Variants in AKAP3 observed in about 807,000 individuals in gnomAD.
AKAP3 encodes the protein A-kinase anchor protein 3.
In AKAP3, 27 loss-of-function variants were observed where a neutral mutation model predicts 57.2. The ratio of observed to expected loss-of-function variants is 0.47; its 90% confidence interval spans 0.35 to 0.65. The LOEUF (loss-of-function observed/expected upper bound fraction) is 0.65. AKAP3 is among the 30% of genes least tolerant of loss of function. The pLI is 0.01. For synonymous variants in AKAP3, 334 were observed against 392.3 expected (o/e 0.85, Z 1.76); for missense variants, 959 against 1,040.0 (o/e 0.92, Z 1.07).
chr12:4,647,837 C>T lies in AKAP3; in HGVS notation c.-245+908G>A, dbSNP rs1221381377. 2.7e-5 allele frequency: 4 copies of T among 148,026 alleles called. No individual in the cohort carries two copies. The Admixed American group carries it at 2.8e-4, about 10-fold the overall frequency. The allele number at this position is 148,026 out of a possible 1,614,324, so 9.2% of individuals were successfully genotyped here. ...CTCTCTTCCAATTCAATTTGTTAGG[C>T]GACACTTCAGTAAACAGTAGGGGCA... On this transcript the variant is annotated intron_variant, in intron 1 of 5. Transcript: ENST00000228850.
intron 2 of AKAP3, among the ~76,000 whole-genome samples, chr12:4,642,616 A>G (rs1945650528): frequency 6.6e-6 from 1 of 152,112 alleles, no homozygotes. Context: ...GGGCTACCCC[A>G]TCCATGAAAT....
At position 4,628,183 on chromosome 12, in the gene AKAP3, A is replaced by C; in HGVS notation, c.719T>G (p.Phe240Cys). Residue 240 changes from phenylalanine (F) to cysteine (C), a missense_variant, in exon 5 of 6, where the codon TTC (phenylalanine) becomes TGC (cysteine). Physicochemically the swap from Phe to Cys is radical, Grantham distance 205. Transcript: ENST00000228850. ...PDDKPPSKKSFFYKEVFESRN... is the reference protein window; with the variant it reads ...PDDKPPSKKSCFYKEVFESRN... Reference sequence around the variant, plus strand: ...AGATTCAAACACTTCCTTATAGAAGAAAGACTTCTTAGAAGGAGGCTTGTC... The same window carrying C: ...AGATTCAAACACTTCCTTATAGAAGCAAGACTTCTTAGAAGGAGGCTTGTC... 1 of 1,614,148 alleles carries C rather than the reference A, an allele frequency of 6.2e-7. No individual in the cohort carries two copies. The highest frequency in any genetic ancestry group is 8.5e-7 in the Non-Finnish European group (1 of 1,180,018).
intron 4 of AKAP3, chr12:4,636,264 C>T (rs1260321251): frequency 1.3e-5 from 5 of 393,196 alleles, no homozygotes; most frequent in Admixed American, 3.7e-5. Context: ...ACCTCAGACG[C>T]GGCAAGCGGA....
At chr12:4,619,020 TC>T (rs1945316710) in intron 5 of AKAP3, among the ~76,000 whole-genome samples, 2 of 152,248 alleles carry the variant, frequency 1.3e-5, no homozygotes, top group Middle Eastern at 6.8e-3. Context: ...TGCATAGGTA[TC>T]TCACTAAAGA....
rs1372227981 is a variant in AKAP3, at chr12:4,627,724, T to A, written c.1178A>T (p.His393Leu). ...NVMFAKKVPE[H>L]VRKAQDKAES... ...AGCCTTGTCTTGGGCTTTCCTGACA[T>A]GCTCAGGGACTTTCTTGGCAAACAT... The change falls in exon 5 of 6, where the codon CAT (histidine) becomes CTT (leucine). Residue 393 changes from histidine to leucine, a missense_variant. Coordinates refer to ENST00000228850, the MANE Select transcript of AKAP3 (RefSeq NM_001278309.2). 2 of 1,614,058 alleles carry A rather than the reference T, an allele frequency of 1.2e-6. No homozygotes were observed. The highest frequency in any genetic ancestry group is 1.3e-5 in the African/African-American group (1 of 74,936).
In AKAP3 at chr12:4,631,525, C is replaced by T. The variant is rs1475585710; in HGVS notation, c.97-2720G>A. On this transcript the variant is annotated intron_variant, in intron 4 of 5. Coordinates refer to ENST00000228850, the MANE Select transcript of AKAP3 (RefSeq NM_001278309.2). ...GTTAGATGTAAGCAGCAATGTCTTC[C>T]CCCAGAGAGTATTAATGTGTTATAC... 1.4e-5 allele frequency: 8 copies of T among 575,896 alleles called. No individual in the cohort carries two copies. In the Admixed American group the frequency reaches 2.0e-4, roughly 14 times the overall value. The allele number at this position is 575,896 out of a possible 1,614,324, so 35.7% of individuals were successfully genotyped here. A position where few individuals can be genotyped will look rare whatever the true frequency, so the allele number is the denominator to read the frequency against.
chr12:4,631,150 C>T (rs1945492923), intron 4 of AKAP3, among the ~76,000 whole-genome samples: 1 of 152,080 alleles, frequency 6.6e-6, no homozygotes, highest in Non-Finnish European at 1.5e-5. Flanking sequence ...GTTTTTGGTT[C>T]TCACTTCGGT....
At chr12:4,617,735 G>C (rs930694198) in intron 5 of AKAP3, among the ~76,000 whole-genome samples, 66 of 143,936 alleles carry the variant, frequency 4.6e-4, no homozygotes, top group African/African-American at 1.3e-3. Flanking sequence ...CTGAGCAACA[G>C]AGTGAGATTC....
At chr12:4,615,964 G>C in intron 5 of AKAP3, 70 bp from the exon 6 acceptor site, 2 of 1,592,698 alleles carry the variant, frequency 1.3e-6, no homozygotes, top group East Asian at 4.5e-5. Context: ...AGCCTGCCAA[G>C]GCTGGAGCAG....
Position 4,638,549 on chromosome 12 carries a change from G to A in AKAP3, c.1-353C>T, listed in dbSNP as rs146664529. On this transcript the variant is annotated intron_variant, in intron 3 of 5. Coordinates refer to ENST00000228850, the MANE Select transcript of AKAP3 (RefSeq NM_001278309.2). ...CCCTGCACTCACAGGATTTTCAGTA[G>A]ACACTCAAAACTCAAGGTGACCAAA... Among the ~76,000 whole-genome samples, 532 of 152,244 alleles carry A rather than the reference G, an allele frequency of 3.5e-3. 1 individual carries two copies. Among genetic ancestry groups the A allele is most frequent in the Middle Eastern group, 0.02 (6 of 294 alleles).
chr12:4,648,151 G>A (rs181107384), intron 1 of AKAP3: 19 of 152,310 alleles, frequency 1.2e-4, no homozygotes, highest in African/African-American at 3.6e-4. Flanking sequence ...GTCTAACCTG[G>A]AATTTCCTCA....
chr12:4,634,738 A>T (rs1186369935), intron 4 of AKAP3, among the ~76,000 whole-genome samples: 2 of 5,878 alleles, frequency 3.4e-4, no homozygotes, highest in Non-Finnish European at 4.9e-3. Flanking sequence ...TTACCCCATT[A>T]AAAAAAAACA....
chr12:4,640,901 C>G (rs1945628650), intron 3 of AKAP3, among the ~76,000 whole-genome samples: 2 of 152,050 alleles, frequency 1.3e-5, no homozygotes, highest in African/African-American at 4.8e-5. Flanking sequence ...TCTTAACATT[C>G]TTAAATGCTC....
chr12:4,628,083 C>T lies in AKAP3; in HGVS notation c.819G>A (p.Arg273=), dbSNP rs2137433955. 8 of 1,614,110 alleles carry T rather than the reference C, an allele frequency of 5.0e-6. No homozygotes were observed. Among genetic ancestry groups the T allele is most frequent in the Non-Finnish European group, 6.8e-6 (8 of 1,180,010 alleles). The change falls in exon 5 of 6, where the codon AGG becomes AGA. Residue 273 remains arginine (R), a synonymous_variant. Transcript: ENST00000228850. ...RERKRFRGQE[R]PDDFTASVSE... ...TAACAGAAGCCGTAAAGTCATCAGG[C>T]CTTTCCTGCCCTCGAAACCTCTTTC...
intron 4 of AKAP3, among the ~76,000 whole-genome samples, chr12:4,633,128 A>C (rs1051923692): frequency 1.5e-4 from 22 of 151,626 alleles, no homozygotes; most frequent in East Asian, 3.9e-4. Context: ...AAAAAAAAAA[A>C]AACAAAAAAC....
chr12:4,646,991 C>A (rs1159849304), intron 1 of AKAP3, among the ~76,000 whole-genome samples: 1 of 151,984 alleles, frequency 6.6e-6, no homozygotes, highest in African/African-American at 2.4e-5. Flanking sequence ...CTATGTTGGC[C>A]AAGCTGGTCT....
chr12:4,621,650 G>A (rs1237815021), intron 5 of AKAP3, among the ~76,000 whole-genome samples: 1 of 152,140 alleles, frequency 6.6e-6, no homozygotes, highest in Non-Finnish European at 1.5e-5. Context: ...GGCTATACCA[G>A]CTAGGTTTGT....
At chr12:4,624,920 G>C (rs117554282) in intron 5 of AKAP3, among the ~76,000 whole-genome samples, 1 of 130,674 alleles carries the variant, frequency 7.7e-6, no homozygotes, top group Non-Finnish European at 1.7e-5. Context: ...TACAAAAAAA[G>C]TCTAAAGCCA....
At chr12:4,641,177 C>T (rs973132050) in intron 3 of AKAP3, among the ~76,000 whole-genome samples, 5 of 146,938 alleles carry the variant, frequency 3.4e-5, no homozygotes, top group Admixed American at 6.9e-5. Context: ...GGATGCTCAC[C>T]GCAACCTCCG....
Sources: gnomAD v4.1 joint callset for allele counts (sites outside exome capture counted in the v4.1 genomes callset) on GRCh38, gnomAD v4.1.1 for gene constraint, MANE v1.5 for transcripts, NCBI Gene and HGNC (gene_info 2026-07-23, HGNC 2026-07-21) for gene names.